The following KIF1A variants were observed in gnomAD, a reference collection of about 807,000 sequenced individuals.
KIF1A encodes kinesin-like protein KIF1A.
In KIF1A, 46 loss-of-function variants were observed where a neutral mutation model predicts 227.3. The ratio of observed to expected loss-of-function variants is 0.20; its 90% CI spans 0.16 to 0.26. The LOEUF (loss-of-function observed/expected upper bound fraction) is 0.26, where lower values mean the gene tolerates loss of function less well. Ranked by LOEUF, KIF1A falls within the 10% of genes least tolerant of loss-of-function variation. KIF1A has a pLI of 1.00. For synonymous variants in KIF1A, 1,022 were observed against 1,012.8 expected (o/e 1.01, Z -0.17); for missense variants, 1,683 against 2,485.9 (o/e 0.68, Z 6.87).
At chr2:240,782,981 G>T (rs1051993815) in intron 9 of KIF1A, 63 bp downstream of exon 9, 13 of 1,310,436 alleles carry the variant, frequency 9.9e-6, no homozygotes, top group Non-Finnish European at 1.3e-5. Flanking sequence ...GGTGACAGGG[G>T]CAGGATGGGG....
intron 1 of KIF1A, among the ~76,000 whole-genome samples, chr2:240,812,553 C>T (rs1027807368): frequency 2.0e-4 from 31 of 151,420 alleles, no homozygotes; most frequent in African/African-American, 7.3e-4. Flanking sequence ...AGACATCTGC[C>T]TTCACCTCGG....
intron 1 of KIF1A, among the ~76,000 whole-genome samples, chr2:240,811,350 G>A (rs147230278): frequency 0.014 from 2,168 of 152,198 alleles, 36 homozygotes; most frequent in African/African-American, 0.048. Flanking sequence ...GGGCTACAGC[G>A]TGAGACTCCA....
In KIF1A at chr2:240,740,656, T is replaced by G. The variant is rs1186349247; in HGVS notation, c.3750-292A>C. Among the ~76,000 whole-genome samples the G allele has an allele frequency of 2.0e-5, 3 of 151,766 alleles. No individual in the cohort carries two copies. The highest frequency in any genetic ancestry group is 4.4e-5 in the Non-Finnish European group (3 of 67,940). On this transcript the variant is annotated intron_variant, in intron 35 of 48. Transcript: ENST00000498729. This position sits in a 1 kb window ranked among gnomAD's most constrained non-coding sequence, Gnocchi z 6.1. Reference sequence around the variant, plus strand: ...CTGGATCTTTGTAAGTTCCCAAGGGTCCTCTGCTTCCCCTCATGCCCTGCA... The same window carrying G: ...CTGGATCTTTGTAAGTTCCCAAGGGGCCTCTGCTTCCCCTCATGCCCTGCA...
rs1169244817 is a variant in KIF1A at position 240,714,964 on chromosome 2, C to T, written c.*2400G>A. On this transcript the variant is annotated 3_prime_UTR_variant, in exon 49 of 49. Coordinates refer to ENST00000498729, the MANE Select transcript of KIF1A (RefSeq NM_001244008.2). ...GCACCTCCACTCAGCCCACCCACGCCGCGAGTGCTCTGCAGGTTGGCTGGC... is the reference window on the plus strand; with the variant it reads ...GCACCTCCACTCAGCCCACCCACGCTGCGAGTGCTCTGCAGGTTGGCTGGC... 6 of 152,388 alleles carry T rather than the reference C, an allele frequency of 3.9e-5. No individual in the cohort carries two copies. Among genetic ancestry groups the T allele is most frequent in the Non-Finnish European group, 7.3e-5 (5 of 68,088 alleles). The allele number at this position is 152,388 out of a possible 1,614,324, so 9.4% of individuals were successfully genotyped here.
chr2:240,789,727 G>C lies in KIF1A; in HGVS notation c.107-415C>G, dbSNP rs746657415. On this transcript the variant is annotated intron_variant, in intron 2 of 48. Transcript: ENST00000498729. This position sits in a 1 kb window ranked among gnomAD's most constrained non-coding sequence, Gnocchi z 4.8. ...CTTTATGCTCCGGCTCAGCGTGCAC[G>C]TGCCCGAGAAGCGCTGGAAGCCTGG... Among the ~76,000 whole-genome samples, 2 of 152,096 alleles carry C rather than the reference G, an allele frequency of 1.3e-5. No homozygotes were observed. Among genetic ancestry groups the C allele is most frequent in the Non-Finnish European group, 2.9e-5 (2 of 68,010 alleles).
chr2:240,815,056 G>T (rs2058214919), intron 1 of KIF1A, among the ~76,000 whole-genome samples: 1 of 152,224 alleles, frequency 6.6e-6, no homozygotes, highest in African/African-American at 2.4e-5. Context: ...GCCCACTGCA[G>T]CCACTACTTG....
rs1473241605 is a variant in KIF1A, at chr2:240,786,526, G to T, written c.430-13C>A. 1 of 1,612,102 alleles carries T rather than the reference G, an allele frequency of 6.2e-7. No individual in the cohort carries two copies. Among genetic ancestry groups the T allele is most frequent in the Non-Finnish European group, 8.5e-7 (1 of 1,179,296 alleles). ...CCATGTAGCTGACCTGCAGGGCAGA[G>T]CCAGGCCATCAGGGGCCCCTGAGGC... On this transcript the variant is annotated splice_polypyrimidine_tract_variant and intron_variant, in intron 5 of 48. Transcript: ENST00000498729.
At chr2:240,785,245 T>C in intron 6 of KIF1A, 145 bp from the exon 7 acceptor site, 1 of 658,532 alleles carries the variant, frequency 1.5e-6, no homozygotes, top group South Asian at 1.8e-5. Context: ...CTGGCACTGA[T>C]GGCGCCTCCT....
In KIF1A at chr2:240,758,373, G is replaced by A. The variant is rs372544960; in HGVS notation, c.2569C>T (p.Arg857Trp). 7 of 1,611,340 alleles carry A rather than the reference G, an allele frequency of 4.3e-6. No individual in the cohort carries two copies. Among genetic ancestry groups the A allele is most frequent in the East Asian group, 2.2e-5 (1 of 44,804 alleles). The change falls in exon 26 of 49, where the codon CGG (arginine) becomes TGG (tryptophan). Residue 857 changes from arginine to tryptophan, a missense_variant. Coordinates refer to ENST00000498729, the MANE Select transcript of KIF1A (RefSeq NM_001244008.2). The surrounding 1 kb of genome is among the most constrained non-coding windows in gnomAD (Gnocchi z 5.2). ...DPFYDRFPWF[R>W]LVGSSAISGC... Reference sequence around the variant, plus strand: ...GGAGGCGCCCACCTGCCCACCAGCCGGAACCAGGGGAAGCGGTCATAGAAG... The same window carrying A: ...GGAGGCGCCCACCTGCCCACCAGCCAGAACCAGGGGAAGCGGTCATAGAAG...
At chr2:240,777,904 T>G (rs1054923566) in intron 10 of KIF1A, among the ~76,000 whole-genome samples, 1 of 152,236 alleles carries the variant, frequency 6.6e-6, no homozygotes, top group East Asian at 1.9e-4. Flanking sequence ...GCACTTTCCC[T>G]CCCAGTCCCT....
At position 240,725,036 on chromosome 2, in the gene KIF1A, C is replaced by T. The variant is rs1267716624; in HGVS notation, c.4256+235G>A. 6.6e-6 allele frequency among the ~76,000 whole-genome samples: 1 copy of T among 150,914 alleles called. No individual in the cohort carries two copies. Among genetic ancestry groups the T allele is most frequent in the East Asian group, 2.0e-4 (1 of 5,066 alleles). The stretch of plus-strand genomic sequence containing the variant: ...CTCCTCCCATCCGCTGCAGGCTGGC[C>T]CTCAAGTCCCTCATAGTGGTGTCAG... On this transcript the variant is annotated intron_variant, in intron 40 of 48. Transcript: ENST00000498729. The surrounding 1 kb of genome is among the most constrained non-coding windows in gnomAD (Gnocchi z 5.8).
intron 45 of KIF1A, 72 bp from the exon 46 acceptor site, chr2:240,719,998 C>A (rs1478127866): frequency 1.3e-6 from 2 of 1,488,858 alleles, no homozygotes; most frequent in Non-Finnish European, 9.0e-7. Flanking sequence ...CCAGGCTTCA[C>A]CCTCCTCAGA....
rs1454271542 is a variant in KIF1A at position 240,766,749 on chromosome 2, T to TCTCTCACACACA, written c.1684+165_1684+166insTGTGTGTGAGAG. Among the ~76,000 whole-genome samples the TCTCTCACACACA allele has an allele frequency of 8.7e-4, 95 of 109,018 alleles. No individual in the cohort carries two copies. The highest frequency in any genetic ancestry group is 3.8e-3 in the African/African-American group (91 of 24,160). The allele number at this position is 109,018 out of a possible 152,430, so 71.5% of individuals were successfully genotyped here. ...CTCTCTCTCTCTCTCTCTCTCTCTCTCACACACACACACACACACACACAC... is the reference window on the plus strand; with the variant it reads ...CTCTCTCTCTCTCTCTCTCTCTCTCTCTCTCACACACACACACACACACACACACACACACAC... On this transcript the variant is annotated intron_variant, in intron 19 of 48. Coordinates refer to ENST00000498729, the MANE Select transcript of KIF1A (RefSeq NM_001244008.2). The surrounding 1 kb of genome is among the most constrained non-coding windows in gnomAD (Gnocchi z 5.0).
At chr2:240,768,007 G>C (rs2051423395) in intron 17 of KIF1A, among the ~76,000 whole-genome samples, 1 of 152,230 alleles carries the variant, frequency 6.6e-6, no homozygotes, top group Non-Finnish European at 1.5e-5. Flanking sequence ...CCCCCTGAGT[G>C]GGGAAGATGT....
chr2:240,786,825 A>G lies in KIF1A; in HGVS notation c.430-312T>C, dbSNP rs4998254. Among the ~76,000 whole-genome samples the G allele has an allele frequency of 0.45, 34,580 of 76,870 alleles. 7,960 individuals are homozygous for G. Among genetic ancestry groups the G allele is most frequent in the Non-Finnish European group, 0.5 (17,827 of 35,706 alleles). 50.4% of individuals were successfully genotyped at this position (76,870 alleles called of 152,430 possible). ...GCTGCCATCAGGACCCCTGAGTGAG[A>G]GGGTGGGGGCTGCCTGCTGAGCAGA... On this transcript the variant is annotated intron_variant, in intron 5 of 48. Transcript: ENST00000498729.
At chr2:240,722,918 C>T (rs1208143630) in intron 42 of KIF1A, among the ~76,000 whole-genome samples, 1 of 152,206 alleles carries the variant, frequency 6.6e-6, no homozygotes, top group East Asian at 1.9e-4. Flanking sequence ...ACACATCCAT[C>T]TCACGCGCCA....
intron 1 of KIF1A, among the ~76,000 whole-genome samples, chr2:240,819,837 G>A (rs567942388): frequency 1.3e-5 from 2 of 152,186 alleles, no homozygotes; most frequent in Non-Finnish European, 1.5e-5. Context: ...CGCCTAAGCC[G>A]AGGGTCCCGC....
At chr2:240,785,347 G>A (rs746467056) in intron 6 of KIF1A, among the ~76,000 whole-genome samples, 11 of 152,352 alleles carry the variant, frequency 7.2e-5, no homozygotes, top group South Asian at 4.1e-4. Context: ...CAGTGACTGC[G>A]AAAGCTTCCC....
chr2:240,782,084 C>G, intron 10 of KIF1A: 1 of 985,384 alleles, frequency 1.0e-6, no homozygotes, highest in African/African-American at 1.7e-5. Context: ...TCACGGCTGC[C>G]CACGCGGTTC....
Sources: allele counts gnomAD v4.1 joint callset (sites outside exome capture counted in the v4.1 genomes callset), GRCh38; gene constraint gnomAD v4.1.1; non-coding constraint Gnocchi (gnomAD v3.1); transcripts MANE v1.5; gene names NCBI Gene and HGNC (gene_info 2026-07-23, HGNC 2026-07-21).